PRICKLE1: variants seen among roughly 807,000 people sequenced by gnomAD.
PRICKLE1 encodes the protein prickle-like protein 1.
In PRICKLE1, 14 loss-of-function variants were observed where a neutral mutation model predicts 70.2. That is an observed-to-expected ratio of 0.20 (90% confidence interval 0.13 to 0.31). The LOEUF (loss-of-function observed/expected upper bound fraction) is 0.31. Ranked by LOEUF, PRICKLE1 falls within the 10% of genes least tolerant of loss-of-function variation. The pLI is 1.00. For missense variants in PRICKLE1, 821 were observed against 1,026.2 expected (o/e 0.80, Z 2.73); for synonymous variants, 357 against 379.9 (o/e 0.94, Z 0.70).
chr12:42,469,323 C>A lies in PRICKLE1; in HGVS notation c.384+127G>T. The A allele has an allele frequency of 3.8e-6, 4 of 1,047,852 alleles. No individual in the cohort carries two copies. In the African/African-American group the frequency reaches 4.7e-5, roughly 12 times the overall value. The allele number at this position is 1,047,852 out of a possible 1,614,324, so 64.9% of individuals were successfully genotyped here. A position where few individuals can be genotyped will look rare whatever the true frequency, so the allele number is the denominator to read the frequency against. ...ATTTGCTATTTAATAAAAAGCTAGG[C>A]TGTCTTTCTCTCATTTTCTGGAGGC... On this transcript the variant is annotated intron_variant, in intron 4 of 7. Transcript: ENST00000345127.
intron 1 of PRICKLE1, among the ~76,000 whole-genome samples, chr12:42,535,494 T>C (rs1940002312): frequency 6.6e-6 from 1 of 152,178 alleles, no homozygotes; most frequent in African/African-American, 2.4e-5. Context: ...TTAGCCAAAA[T>C]AGCAGAAAGG....
chr12:42,487,357 T>C (rs1740382411), intron 1 of PRICKLE1, among the ~76,000 whole-genome samples: 1 of 152,232 alleles, frequency 6.6e-6, no homozygotes, highest in South Asian at 2.1e-4. Flanking sequence ...ACAGGCATTA[T>C]AAAGTTTTAT....
At chr12:42,539,030 A>G (rs1940061833) in intron 1 of PRICKLE1, among the ~76,000 whole-genome samples, 1 of 152,256 alleles carries the variant, frequency 6.6e-6, no homozygotes, top group East Asian at 1.9e-4. Flanking sequence ...TTAATATAGC[A>G]TACATCAAAT....
intron 1 of PRICKLE1, among the ~76,000 whole-genome samples, chr12:42,541,019 G>A (rs900834888): frequency 6.6e-6 from 1 of 151,938 alleles, no homozygotes; most frequent in African/African-American, 2.4e-5. Context: ...AAGTATGTTA[G>A]CTGCTCACTT....
At chr12:42,477,313 G>C (rs949820001) in intron 1 of PRICKLE1, among the ~76,000 whole-genome samples, 2 of 151,144 alleles carry the variant, frequency 1.3e-5, no homozygotes, top group Non-Finnish European at 2.9e-5. Context: ...CAGAGGTTGC[G>C]GTGAGCCGAG....
chr12:42,578,484 C>T (rs1940839573), intron 1 of PRICKLE1, among the ~76,000 whole-genome samples: 1 of 151,998 alleles, frequency 6.6e-6, no homozygotes, highest in African/African-American at 2.4e-5. Flanking sequence ...TATAGCATCC[C>T]TTTGCTAGAT....
intron 1 of PRICKLE1, among the ~76,000 whole-genome samples, chr12:42,546,621 G>T (rs571169975): frequency 6.6e-6 from 1 of 152,184 alleles, no homozygotes; most frequent in African/African-American, 2.4e-5. Context: ...AGGTGTGGTG[G>T]CATGTGCCTG....
At chr12:42,543,402 T>G (rs1301043304) in intron 1 of PRICKLE1, among the ~76,000 whole-genome samples, 2 of 151,690 alleles carry the variant, frequency 1.3e-5, no homozygotes, top group Non-Finnish European at 2.9e-5. Context: ...CTCACTATGT[T>G]GCCCAGGCTG....
At chr12:42,563,437 T>C (rs772442415) in intron 1 of PRICKLE1, among the ~76,000 whole-genome samples, 60 of 151,644 alleles carry the variant, frequency 4.0e-4, no homozygotes, top group Non-Finnish European at 6.5e-4. Flanking sequence ...TGGTGGGTCA[T>C]GCCTGTAATC....
Position 42,459,633 on chromosome 12 carries a change from G to T in PRICKLE1, c.*176C>A. On this transcript the variant is annotated 3_prime_UTR_variant, in exon 8 of 8. Transcript: ENST00000345127. ...TGGCACCATCCAAAGAGGGTAAATT[G>T]GAGAAATCACACCTTTCAAATGTTA... 1.3e-6 allele frequency: 1 copy of T among 796,742 alleles called. No individual in the cohort carries two copies. The highest frequency in any genetic ancestry group is 2.1e-6 in the Non-Finnish European group (1 of 486,136). 49.4% of individuals were successfully genotyped at this position (796,742 alleles called of 1,614,324 possible). A position where few individuals can be genotyped will look rare whatever the true frequency, so the allele number is the denominator to read the frequency against.
At position 42,510,024 on chromosome 12, in the gene PRICKLE1, G is replaced by A. The variant is rs1593146255; in HGVS notation, c.-48-37460C>T. Reference sequence around the variant, plus strand: ...CAAGGTGGAGACTGCAGTGAGCCAAGATCATGCCACTGCACTCCAGCCTGG... The same window carrying A: ...CAAGGTGGAGACTGCAGTGAGCCAAAATCATGCCACTGCACTCCAGCCTGG... On this transcript the variant is annotated intron_variant, in intron 1 of 7. Coordinates refer to ENST00000345127, the MANE Select transcript of PRICKLE1 (RefSeq NM_153026.3). Among the ~76,000 whole-genome samples the A allele has an allele frequency of 2.0e-5, 3 of 151,262 alleles. 1 individual carries two copies. The East Asian group carries it at 6.0e-4, about 30-fold the overall frequency.
chr12:42,587,775 G>A (rs1471536460), intron 1 of PRICKLE1, among the ~76,000 whole-genome samples: 4 of 152,222 alleles, frequency 2.6e-5, no homozygotes, highest in Non-Finnish European at 2.9e-5. Flanking sequence ...CAAGATGAAT[G>A]GCTGCTGTTT....
intron 1 of PRICKLE1, 104 bp from the exon 2 acceptor site, chr12:42,472,668 C>A: frequency 1.0e-6 from 1 of 974,964 alleles, no homozygotes. Flanking sequence ...ACAGCTGGGC[C>A]CAGAGAAAGT....
At chr12:42,520,439 C>T (rs1939691146) in intron 1 of PRICKLE1, among the ~76,000 whole-genome samples, 1 of 152,298 alleles carries the variant, frequency 6.6e-6, no homozygotes, top group Middle Eastern at 3.4e-3. Flanking sequence ...CAAGACATTT[C>T]ATTCTCCCTT....
At chr12:42,535,952 A>G (rs945890284) in intron 1 of PRICKLE1, among the ~76,000 whole-genome samples, 1 of 152,136 alleles carries the variant, frequency 6.6e-6, no homozygotes, top group Non-Finnish European at 1.5e-5. Context: ...TTCATCAGCT[A>G]CTCTAGAGGG....
At position 42,459,805 on chromosome 12, in the gene PRICKLE1, T is replaced by C. The variant is rs1937729034; in HGVS notation, c.*4A>G. ...TTAAACAAATGCTCTGCATCACTAC[T>C]TGGTTAAGAAATAATACAATTTTTG... is the stretch of plus-strand genomic sequence containing the variant. On this transcript the variant is annotated 3_prime_UTR_variant, in exon 8 of 8. Transcript: ENST00000345127. 1 of 1,614,062 alleles carries C rather than the reference T, an allele frequency of 6.2e-7. No individual in the cohort carries two copies. The highest frequency in any genetic ancestry group is 1.3e-5 in the African/African-American group (1 of 74,928).
chr12:42,501,535 AGAAAAGAG>A (rs1939311105), intron 1 of PRICKLE1, among the ~76,000 whole-genome samples: 1 of 145,686 alleles, frequency 6.9e-6, no homozygotes, highest in South Asian at 2.2e-4. Context: ...AAAAAAGAAA[AGAAAAGAG>A]GAGAGCAAAT....
chr12:42,570,597 A>G (rs1347637699), intron 1 of PRICKLE1, among the ~76,000 whole-genome samples: 1 of 152,188 alleles, frequency 6.6e-6, no homozygotes, highest in Non-Finnish European at 1.5e-5. Flanking sequence ...AAGCGGGTGG[A>G]TCACCAGACG....
chr12:42,470,341 A>G lies in PRICKLE1; in HGVS notation c.151T>C (p.Cys51Arg), dbSNP rs781477633. The change falls in exon 3 of 8, where the codon TGC becomes CGC. Residue 51 changes from cysteine (C) to arginine (R), a missense_variant. Coordinates refer to ENST00000345127, the MANE Select transcript of PRICKLE1 (RefSeq NM_153026.3). ...TAAGGAACTTTTTCCTCTGGTAAGC[A>G]AGCAAAATAGAGCTGGATCTGCAAA... ...RPEQIQLYFA[C>R]LPEEKVPYVN... 11 of 1,612,680 alleles carry G rather than the reference A, an allele frequency of 6.8e-6. No homozygotes were observed. The highest frequency in any genetic ancestry group is 5.0e-5 in the Admixed American group (3 of 60,008).
Sources: allele counts gnomAD v4.1 joint callset (sites outside exome capture counted in the v4.1 genomes callset), GRCh38; gene constraint gnomAD v4.1.1; transcripts MANE v1.5; gene names NCBI Gene and HGNC (gene_info 2026-07-23, HGNC 2026-07-21).